The following TMEM132E variants were observed in gnomAD, a reference collection of about 807,000 sequenced individuals.
TMEM132E encodes the protein transmembrane protein 132E.
Under a neutral mutation model 78.5 loss-of-function variants are expected in TMEM132E, and 49 were observed. The ratio of observed to expected loss-of-function variants is 0.62; its 90% CI spans 0.50 to 0.79. The LOEUF is 0.79. Among genes scored for constraint, TMEM132E ranks in the 30% least tolerant of loss-of-function variants. The pLI is 0.00. For synonymous variants in TMEM132E, 715 were observed against 670.6 expected (o/e 1.07, Z -1.02); for missense variants, 1,403 against 1,470.9 (o/e 0.95, Z 0.75).
At chr17:34,620,385 G>A (rs548128258) in intron 1 of TMEM132E, among the ~76,000 whole-genome samples, 1 of 152,384 alleles carries the variant, frequency 6.6e-6, no homozygotes, top group Admixed American at 6.5e-5. Flanking sequence ...CTGTCCTGGT[G>A]GTTAGGGAGG....
intron 1 of TMEM132E, among the ~76,000 whole-genome samples, chr17:34,609,811 G>A (rs1906529741): frequency 6.6e-6 from 1 of 152,192 alleles, no homozygotes; most frequent in Non-Finnish European, 1.5e-5. Flanking sequence ...AGGGCTCTAA[G>A]GAGTACAGTT....
rs948012076 is a variant in TMEM132E at position 34,639,001 on chromosome 17, C to G, written c.*769C>G. 6.5e-6 allele frequency: 1 copy of G among 152,770 alleles called. No homozygotes were observed. The highest frequency in any genetic ancestry group is 2.4e-5 in the African/African-American group (1 of 41,430). The allele number at this position is 152,770 out of a possible 1,614,324, so 9.5% of individuals were successfully genotyped here. ...GAGGCCTGGGGACCTCCTTGCCTTC[C>G]CCGTCCCCCACAGCAAGGTCAACAC... On this transcript the variant is annotated 3_prime_UTR_variant, in exon 9 of 9. Transcript: ENST00000631683.
Position 34,638,291 on chromosome 17 carries a change from C to T in TMEM132E, c.*59C>T, listed in dbSNP as rs1226227311. ...CCAACGGGGTCAGCTCGGGGTAGGA[C>T]ACAGCCGGGACCCCGGTTCACACTG... On this transcript the variant is annotated 3_prime_UTR_variant, in exon 9 of 9. Coordinates refer to ENST00000631683, the MANE Select transcript of TMEM132E (RefSeq NM_001304438.2). 1 of 1,440,376 alleles carries T rather than the reference C, an allele frequency of 6.9e-7. No homozygotes were observed. Among genetic ancestry groups the T allele is most frequent in the East Asian group, 2.5e-5 (1 of 40,168 alleles). The allele number at this position is 1,440,376 out of a possible 1,614,324, so 89.2% of individuals were successfully genotyped here.
rs1389839380 is a variant in TMEM132E, at chr17:34,637,683, C to T, written c.2676C>T (p.Tyr892=). 4.3e-6 allele frequency: 7 copies of T among 1,611,120 alleles called. No homozygotes were observed. The East Asian group carries it at 1.3e-4, about 31-fold the overall frequency. ...TGACAGACCTGGAGATCGGCATGTA[C>T]GCGCTGCTGGGCGTCTTCTGCCTCG... ...RGLTDLEIGM[Y]ALLGVFCLAI... Residue 892 remains tyrosine, a synonymous_variant, in exon 9 of 9, where the codon TAC becomes TAT. Coordinates refer to ENST00000631683, the MANE Select transcript of TMEM132E (RefSeq NM_001304438.2).
intron 5 of TMEM132E, 93 bp from the exon 6 acceptor site, chr17:34,632,611 C>G: frequency 1.5e-6 from 2 of 1,372,656 alleles, no homozygotes; most frequent in Non-Finnish European, 2.1e-6. Flanking sequence ...TAGGACTTTC[C>G]CTCCAGCCCT....
Position 34,626,439 on chromosome 17 carries a change from G to T in TMEM132E, c.380G>T (p.Arg127Leu). 1 of 1,613,286 alleles carries T rather than the reference G, an allele frequency of 6.2e-7. No homozygotes were observed. Among genetic ancestry groups the T allele is most frequent in the African/African-American group, 1.3e-5 (1 of 75,064 alleles). Residue 127 changes from arginine to leucine, a missense_variant, in exon 2 of 9, where the codon CGG (arginine) becomes CTG (leucine). Arg to Leu is a moderately radical substitution (Grantham distance 102, BLOSUM62 -2). Transcript: ENST00000631683. The stretch of plus-strand genomic sequence containing the variant: ...CGCCTGACGGTGAACTGGAAGGTGC[G>T]GGCCTTCATCGTCCGCTCGCACGTG... ...PERLTVNWKV[R>L]AFIVRSHVPA... is the part of the protein sequence containing the mutation.
intron 1 of TMEM132E, among the ~76,000 whole-genome samples, chr17:34,600,718 A>G (rs1906212663): frequency 6.6e-6 from 1 of 152,166 alleles, no homozygotes; most frequent in Non-Finnish European, 1.5e-5. Flanking sequence ...CCCCGGCAGA[A>G]CTGGCAGTCC....
intron 1 of TMEM132E, among the ~76,000 whole-genome samples, chr17:34,596,870 A>AC (rs1330807961): frequency 6.6e-6 from 1 of 151,228 alleles, no homozygotes; most frequent in Non-Finnish European, 1.5e-5. Flanking sequence ...AAAAAAAAAA[A>AC]AAAAAGGAAG....
rs930452910 is a variant in TMEM132E at position 34,637,535 on chromosome 17, G to C, written c.2528G>C (p.Gly843Ala). 6 of 1,597,516 alleles carry C rather than the reference G, an allele frequency of 3.8e-6. No homozygotes were observed. The highest frequency in any genetic ancestry group is 5.1e-6 in the Non-Finnish European group (6 of 1,173,682). The change falls in exon 9 of 9, where the codon GGC (glycine) becomes GCC (alanine). Residue 843 changes from glycine to alanine, a missense_variant. Physicochemically the swap from Gly to Ala is moderately conservative, Grantham distance 60. Coordinates refer to ENST00000631683, the MANE Select transcript of TMEM132E (RefSeq NM_001304438.2). ...GGCGAGGACGAGGCCCGGGGAGCTG[G>C]CCCGCCGGGCTCTGCGCTACCCGCA... The part of the protein sequence containing the change: ...GGGEDEARGA[G>A]PPGSALPAPE...
chr17:34,588,626 G>A (rs1205935685), intron 1 of TMEM132E, among the ~76,000 whole-genome samples: 1 of 152,170 alleles, frequency 6.6e-6, no homozygotes, highest in Non-Finnish European at 1.5e-5. Context: ...TGTCAGAGGA[G>A]GGATGCACAA....
chr17:34,600,375 T>A (rs1045271476), intron 1 of TMEM132E, among the ~76,000 whole-genome samples: 38 of 151,876 alleles, frequency 2.5e-4, no homozygotes, highest in African/African-American at 9.2e-4. Context: ...AATAGCTAAT[T>A]TCTAAAGAAC....
At chr17:34,632,413 C>T (rs970635491) in intron 5 of TMEM132E, among the ~76,000 whole-genome samples, 1 of 152,230 alleles carries the variant, frequency 6.6e-6, no homozygotes, top group Non-Finnish European at 1.5e-5. Flanking sequence ...TCCTCCAAAG[C>T]GTGGCTCTGG....
In TMEM132E at chr17:34,620,683, C is replaced by T. The variant is rs564478009; in HGVS notation, c.68-5444C>T. On this transcript the variant is annotated intron_variant, in intron 1 of 8. Coordinates refer to ENST00000631683, the MANE Select transcript of TMEM132E (RefSeq NM_001304438.2). ...ACATGCGTTTCACTCATACCAGGAC[C>T]AGGATCCTCCTGATCTGTCAGAGTC... 3.3e-5 allele frequency among the ~76,000 whole-genome samples: 5 copies of T among 152,350 alleles called. No individual in the cohort carries two copies. The East Asian group carries it at 9.6e-4, about 29-fold the overall frequency.
chr17:34,636,648 G>A (rs1416676445), intron 8 of TMEM132E, among the ~76,000 whole-genome samples: 1 of 152,110 alleles, frequency 6.6e-6, no homozygotes, highest in Non-Finnish European at 1.5e-5. Context: ...TAGGACACGG[G>A]TCCTCTGTCC....
chr17:34,581,109 C>T lies in TMEM132E; in HGVS notation c.33C>T (p.Ala11=). The T allele has an allele frequency of 1.3e-6, 2 of 1,536,356 alleles. No homozygotes were observed. The highest frequency in any genetic ancestry group is 2.5e-5 in the East Asian group (1 of 39,500). The change falls in exon 1 of 9, where the codon GCC becomes GCT. Residue 11 remains alanine (A), a synonymous_variant. Coordinates refer to ENST00000631683, the MANE Select transcript of TMEM132E (RefSeq NM_001304438.2). ...CGGGGATGTCGGGCCGCGGCGGCGC[C>T]GCCCTGCTCTGCCTCTCAGCGCTAC... is the stretch of plus-strand genomic sequence containing the variant. MAPGMSGRGG[A]ALLCLSALLA...
In TMEM132E at chr17:34,626,274, C is replaced by T. The variant is rs779393561; in HGVS notation, c.215C>T (p.Ser72Phe). ...CCGTCACCCGCGGTCGCCAACAGCT[C>T]TCTGCAGCGCTCCGAGCCCTTCGTG... ...RPPSPAVANS[S>F]LQRSEPFVVF... The change falls in exon 2 of 9, where the codon TCT (serine) becomes TTT (phenylalanine). Residue 72 changes from serine (S) to phenylalanine (F), a missense_variant. By Grantham distance (155) the Ser-to-Phe change is radical. Coordinates refer to ENST00000631683, the MANE Select transcript of TMEM132E (RefSeq NM_001304438.2). 10 of 1,607,776 alleles carry T rather than the reference C, an allele frequency of 6.2e-6. No individual in the cohort carries two copies. In the South Asian group the frequency reaches 1.1e-4, roughly 18 times the overall value.
chr17:34,623,593 G>A (rs1907032351), intron 1 of TMEM132E, among the ~76,000 whole-genome samples: 2 of 152,230 alleles, frequency 1.3e-5, no homozygotes, highest in South Asian at 4.1e-4. Flanking sequence ...CCCAGAGGAT[G>A]TCCTGTTCTT....
rs1282966414 is a variant in TMEM132E at position 34,626,355 on chromosome 17, C to A, written c.296C>A (p.Thr99Asn). ...VLNVSLGPFS[T>N]SQVVARELLQ... ...AACGTCTCTCTGGGGCCCTTCAGCA[C>A]CAGCCAGGTGGTGGCGCGGGAGCTC... is the stretch of plus-strand genomic sequence containing the variant. The change falls in exon 2 of 9, where the codon ACC becomes AAC. Residue 99 changes from threonine (T) to asparagine (N), a missense_variant. Around this residue, in one of 3 missense-constraint regions of TMEM132E, gnomAD observed 511 missense variants for 499.0 expected, o/e 1.02. Coordinates refer to ENST00000631683, the MANE Select transcript of TMEM132E (RefSeq NM_001304438.2). 1 of 1,613,148 alleles carries A rather than the reference C, an allele frequency of 6.2e-7. No homozygotes were observed. Among genetic ancestry groups the A allele is most frequent in the Non-Finnish European group, 8.5e-7 (1 of 1,179,760 alleles).
Position 34,637,788 on chromosome 17 carries a change from C to T in TMEM132E, c.2781C>T (p.Thr927=). The T allele has an allele frequency of 6.2e-7, 1 of 1,613,422 alleles. No individual in the cohort carries two copies. The highest frequency in any genetic ancestry group is 8.5e-7 in the Non-Finnish European group (1 of 1,179,974). Residue 927 remains threonine, a synonymous_variant, in exon 9 of 9, where the codon ACC becomes ACT. Transcript: ENST00000631683. ...RHKRIPPEGQ[T]SMDHSHHWVF... ...AGCGCATCCCGCCCGAGGGCCAGAC[C>T]AGCATGGACCACTCTCACCACTGGG...
Sources: allele counts gnomAD v4.1 joint callset (sites outside exome capture counted in the v4.1 genomes callset), GRCh38; gene constraint gnomAD v4.1.1; regional missense constraint gnomAD v4.1.1; transcripts MANE v1.5; gene names NCBI Gene and HGNC (gene_info 2026-07-23, HGNC 2026-07-21).